TSHZ2: variants seen among roughly 807,000 people sequenced by gnomAD.
TSHZ2 encodes the protein teashirt zinc finger homeobox 2.
Under a neutral mutation model 74.4 loss-of-function variants are expected in TSHZ2, and 21 were observed. The observed-to-expected ratio is 0.28, with a 90% CI of 0.20 to 0.41. TSHZ2 has a LOEUF of 0.41. Ranked by LOEUF, TSHZ2 falls within the 10% of genes least tolerant of loss-of-function variation. TSHZ2 has a pLI of 1.00. For missense variants in TSHZ2, 1,244 were observed against 1,293.5 expected, an observed-to-expected ratio of 0.96 and a Z score of 0.59; for synonymous variants, 540 against 515.3, an observed-to-expected ratio of 1.05 and a Z score of -0.65.
At chr20:53,337,557 T>C (rs1357275432) in intron 2 of TSHZ2, among the ~76,000 whole-genome samples, 1 of 152,208 alleles carries the variant, frequency 6.6e-6, no homozygotes, top group Non-Finnish European at 1.5e-5. Context: ...CCCAGGGATG[T>C]CAGCTGTGAG....
intron 2 of TSHZ2, among the ~76,000 whole-genome samples, chr20:53,402,036 G>C (rs1055204923): frequency 3.3e-5 from 5 of 152,036 alleles, no homozygotes; most frequent in African/African-American, 1.2e-4. Flanking sequence ...GCCCGCCTTG[G>C]CCTCTCAAAG....
At chr20:53,101,095 C>T (rs943838394) in intron 1 of TSHZ2, among the ~76,000 whole-genome samples, 1 of 152,102 alleles carries the variant, frequency 6.6e-6, no homozygotes, top group Admixed American at 6.6e-5. Flanking sequence ...TTTTTAATTT[C>T]CTGTAATCCA....
Position 52,994,447 on chromosome 20 carries a change from TGGAC to T in TSHZ2, c.40+21118_40+21121del, listed in dbSNP as rs757815701. On this transcript the variant is annotated intron_variant, in intron 1 of 2. Transcript: ENST00000371497. ...ATGGATGGATGGATGAGTGAATGAATGGACGGATGGATGGATGGATGGATGAATA... is the reference window on the plus strand; with the variant it reads ...ATGGATGGATGGATGAGTGAATGAATGGATGGATGGATGGATGGATGAATA... Among the ~76,000 whole-genome samples, 141 of 151,580 alleles carry T rather than the reference TGGAC, an allele frequency of 9.3e-4. 1 individual carries two copies. Among genetic ancestry groups the T allele is most frequent in the Non-Finnish European group, 1.8e-3 (120 of 67,796 alleles).
At chr20:53,140,103 A>G (rs768339561) in intron 1 of TSHZ2, among the ~76,000 whole-genome samples, 31 of 152,312 alleles carry the variant, frequency 2.0e-4, no homozygotes, top group Non-Finnish European at 1.6e-4. Context: ...ACAAGACAGA[A>G]CAGCTTTTAC....
intron 2 of TSHZ2, among the ~76,000 whole-genome samples, chr20:53,432,439 G>A (rs991838791): frequency 1.1e-4 from 17 of 152,188 alleles, no homozygotes; most frequent in African/African-American, 4.1e-4. Context: ...AAACATACAT[G>A]TGCAGGTGCC....
chr20:53,224,578 G>A (rs139205330), intron 1 of TSHZ2, among the ~76,000 whole-genome samples: 5 of 152,250 alleles, frequency 3.3e-5, no homozygotes, highest in South Asian at 2.1e-4. Flanking sequence ...GGCTGGGTGC[G>A]GTGACTCATG....
At chr20:52,988,177 G>T (rs1432431043) in intron 1 of TSHZ2, among the ~76,000 whole-genome samples, 3 of 151,990 alleles carry the variant, frequency 2.0e-5, no homozygotes, top group Admixed American at 2.0e-4. Context: ...CGCCTTAATG[G>T]TTACCATTTC....
Position 53,429,134 on chromosome 20 carries a change from C to T in TSHZ2, c.*9-58010C>T, listed in dbSNP as rs1044785738. On this transcript the variant is annotated intron_variant, in intron 2 of 2. Transcript: ENST00000371497. The stretch of plus-strand genomic sequence containing the variant: ...GATACAAGAAATAACCCACTGCCTC[C>T]GATTTGACTTCACTGAGGTTTAGAG... Among the ~76,000 whole-genome samples, 3 of 152,146 alleles carry T rather than the reference C, an allele frequency of 2.0e-5. 1 individual carries two copies. Among genetic ancestry groups the T allele is most frequent in the East Asian group, 3.8e-4 (2 of 5,202 alleles).
intron 2 of TSHZ2, among the ~76,000 whole-genome samples, chr20:53,277,742 A>AGG (rs1990975847): frequency 1.3e-5 from 2 of 152,230 alleles, no homozygotes; most frequent in South Asian, 4.1e-4. Context: ...GAATAAGGAA[A>AGG]GCACATACCC....
intron 2 of TSHZ2, among the ~76,000 whole-genome samples, chr20:53,420,679 C>T (rs971505052): frequency 1.3e-5 from 2 of 152,048 alleles, no homozygotes; most frequent in Admixed American, 1.3e-4. Flanking sequence ...AGGAGAATGG[C>T]GTGAACCCAG....
intron 1 of TSHZ2, among the ~76,000 whole-genome samples, chr20:53,102,581 A>G (rs1485792382): frequency 1.3e-5 from 2 of 152,174 alleles, no homozygotes; most frequent in African/African-American, 4.8e-5. Context: ...GAGAGTAGAA[A>G]CAACCTTTGC....
At chr20:53,212,978 A>G (rs1476028697) in intron 1 of TSHZ2, among the ~76,000 whole-genome samples, 1 of 152,132 alleles carries the variant, frequency 6.6e-6, no homozygotes, top group East Asian at 1.9e-4. Context: ...GATCAAAAGT[A>G]AGGAGGGGGA....
chr20:53,327,808 G>T (rs1376481031), intron 2 of TSHZ2, among the ~76,000 whole-genome samples: 3 of 152,188 alleles, frequency 2.0e-5, no homozygotes, highest in Admixed American at 2.0e-4. Context: ...AACAGGCTAG[G>T]GAGCCTGGGT....
chr20:53,230,439 T>C (rs1989795798), intron 1 of TSHZ2, among the ~76,000 whole-genome samples: 3 of 152,286 alleles, frequency 2.0e-5, no homozygotes, highest in South Asian at 4.1e-4. Flanking sequence ...GCTGTGTCTA[T>C]CTGGCACACA....
At chr20:53,121,429 T>TGAATACAAATAA (rs56060906) in intron 1 of TSHZ2, among the ~76,000 whole-genome samples, 1 of 151,780 alleles carries the variant, frequency 6.6e-6, no homozygotes, top group South Asian at 2.1e-4. Context: ...CAGAGGATTA[T>TGAATACAAATAA]GTTTCAGTCC....
intron 2 of TSHZ2, among the ~76,000 whole-genome samples, chr20:53,449,831 T>C (rs1984703053): frequency 1.3e-5 from 2 of 152,244 alleles, no homozygotes; most frequent in South Asian, 4.1e-4. Context: ...TATGTACACA[T>C]TAATCACCAC....
intron 1 of TSHZ2, among the ~76,000 whole-genome samples, chr20:53,060,877 C>A (rs6126742): frequency 6.6e-6 from 1 of 152,100 alleles, no homozygotes; most frequent in East Asian, 1.9e-4. Context: ...GCAGGCCTCT[C>A]TTCCTCAATG....
chr20:53,220,774 G>C (rs762994445), intron 1 of TSHZ2, among the ~76,000 whole-genome samples: 14 of 152,152 alleles, frequency 9.2e-5, no homozygotes, highest in Non-Finnish European at 1.3e-4. Context: ...ATGATAATGG[G>C]TACCAGGAAT....
chr20:53,136,003 G>A (rs577592225), intron 1 of TSHZ2, among the ~76,000 whole-genome samples: 2 of 152,290 alleles, frequency 1.3e-5, no homozygotes, highest in East Asian at 3.9e-4. Flanking sequence ...ATTTACAGAG[G>A]AAATAAATGT....
Sources: allele counts gnomAD v4.1 joint callset (sites outside exome capture counted in the v4.1 genomes callset), GRCh38; gene constraint gnomAD v4.1.1; transcripts MANE v1.5; gene names NCBI Gene and HGNC (gene_info 2026-07-23, HGNC 2026-07-21).